The following MMP2 variants were observed in gnomAD, a reference collection of about 807,000 sequenced individuals.
MMP2 encodes the protein 72 kDa type IV collagenase.
In MMP2, 39 loss-of-function variants were observed where a neutral mutation model predicts 74.8. That is an observed-to-expected ratio of 0.52 (90% confidence interval 0.40 to 0.68). The LOEUF is 0.68. MMP2 is among the 30% of genes least tolerant of loss of function. MMP2 has a pLI of 0.00. For synonymous variants in MMP2, 367 were observed against 339.8 expected, an observed-to-expected ratio of 1.08 and a Z score of -0.88; for missense variants, 803 against 878.3, an observed-to-expected ratio of 0.91 and a Z score of 1.08.
chr16:55,497,322 CT>C (rs1962555481), intron 10 of MMP2, among the ~76,000 whole-genome samples: 3 of 113,408 alleles, frequency 2.6e-5, no homozygotes, highest in African/African-American at 1.1e-4. Flanking sequence ...TTCAATCCGT[CT>C]CATTTCTTTT....
At chr16:55,505,315 C>T (rs761383772) in intron 12 of MMP2, 24 bp from the exon 13 acceptor site, 101 of 1,590,474 alleles carry the variant, frequency 6.4e-5, no homozygotes, top group South Asian at 1.9e-4. Context: ...AAGGGGGTCA[C>T]GGTCTCTTCT....
rs186477777 is a variant in MMP2 at position 55,484,192 on chromosome 16, G to T, written c.529+28G>T. 240 of 1,611,316 alleles carry T rather than the reference G, an allele frequency of 1.5e-4. 2 individuals are homozygous for T. In the East Asian group the frequency reaches 4.1e-3, roughly 27 times the overall value. ...AGGCAGAAGATGGGGCAGAAGAGGG[G>T]CCAGCAGGGATCAGTGTTGAGACGA... is the stretch of plus-strand genomic sequence containing the variant. On this transcript the variant is annotated intron_variant, in intron 3 of 12. Transcript: ENST00000219070.
In MMP2 at chr16:55,489,637, C is replaced by T; in HGVS notation, c.1007-14C>T. Reference sequence around the variant, plus strand: ...CTCTTTGCTGCGCCTTGACCCGTATCCCTAACCCCACAGCCATGTCCACTG... The same window carrying T: ...CTCTTTGCTGCGCCTTGACCCGTATTCCTAACCCCACAGCCATGTCCACTG... On this transcript the variant is annotated splice_polypyrimidine_tract_variant and intron_variant, in intron 6 of 12. Coordinates refer to ENST00000219070, the MANE Select transcript of MMP2 (RefSeq NM_004530.6). The T allele has an allele frequency of 6.2e-7, 1 of 1,613,902 alleles. No homozygotes were observed. The highest frequency in any genetic ancestry group is 8.5e-7 in the Non-Finnish European group (1 of 1,180,008).
At chr16:55,489,035 C>T (rs1962334139) in intron 6 of MMP2, among the ~76,000 whole-genome samples, 1 of 152,202 alleles carries the variant, frequency 6.6e-6, no homozygotes, top group African/African-American at 2.4e-5. Context: ...CTTCTCTCTC[C>T]TCCTCTCTGA....
rs538780594 is a variant in MMP2 at position 55,484,009 on chromosome 16, C to T, written c.381-7C>T. ...TACACACTCACATGCAGTTCTACCA[C>T]CTCCAGGATCATTGGCTACACACCT... On this transcript the variant is annotated splice_region_variant and splice_polypyrimidine_tract_variant and intron_variant, in intron 2 of 12. Transcript: ENST00000219070. 1 of 1,614,096 alleles carries T rather than the reference C, an allele frequency of 6.2e-7. No individual in the cohort carries two copies. Among genetic ancestry groups the T allele is most frequent in the Admixed American group, 1.7e-5 (1 of 60,028 alleles).
chr16:55,482,872 T>G, intron 1 of MMP2, 37 bp from the exon 2 acceptor site: 1 of 1,565,640 alleles, frequency 6.4e-7, no homozygotes, highest in Non-Finnish European at 8.8e-7. Flanking sequence ...GCCATCCTAA[T>G]GTGGCTAATT....
rs752012993 is a variant in MMP2, at chr16:55,498,466, G to T, written c.1769+18G>T. ...TTCTGGAGGTAAGGGAGGGCGGTGG[G>T]TAGGACAGCAGCACAGTTGGCTGCG... On this transcript the variant is annotated intron_variant, in intron 11 of 12. Transcript: ENST00000219070. 2.5e-6 allele frequency: 4 copies of T among 1,614,040 alleles called. No homozygotes were observed. Among genetic ancestry groups the T allele is most frequent in the Non-Finnish European group, 3.4e-6 (4 of 1,179,968 alleles).
rs17859870 is a variant in MMP2 at position 55,483,829 on chromosome 16, C to T, written c.381-187C>T. On this transcript the variant is annotated intron_variant, in intron 2 of 12. Transcript: ENST00000219070. ...CCTGCCCAGCCTACACACACATACA[C>T]GCAGGCACATGCTCACATATACATA... 3.7e-4 allele frequency among the ~76,000 whole-genome samples: 56 copies of T among 152,300 alleles called. 2 individuals carry two copies. The East Asian group carries it at 0.01, about 28-fold the overall frequency.
chr16:55,501,567 G>A (rs1276136633), intron 11 of MMP2, among the ~76,000 whole-genome samples: 1 of 152,194 alleles, frequency 6.6e-6, no homozygotes, highest in African/African-American at 2.4e-5. Flanking sequence ...GTGACCCAGG[G>A]CATGAGGAAG....
intron 10 of MMP2, among the ~76,000 whole-genome samples, chr16:55,498,035 T>C (rs1486634378): frequency 6.6e-6 from 1 of 152,086 alleles, no homozygotes; most frequent in Non-Finnish European, 1.5e-5. Context: ...GCCCTTAGAG[T>C]GCACGACTTG....
chr16:55,484,522 T>G (rs1457265214), intron 3 of MMP2, among the ~76,000 whole-genome samples: 1 of 152,252 alleles, frequency 6.6e-6, no homozygotes, highest in Non-Finnish European at 1.5e-5. Context: ...GGGCACATTT[T>G]AAGTGCTCAA....
At position 55,491,824 on chromosome 16, in the gene MMP2, G is replaced by T. The variant is rs1440074816; in HGVS notation, c.1204G>T (p.Ala402Ser). 1.9e-6 allele frequency: 3 copies of T among 1,614,080 alleles called. No homozygotes were observed. The highest frequency in any genetic ancestry group is 4.5e-5 in the East Asian group (2 of 44,876). The part of the protein sequence containing the change: ...DQGYSLFLVA[A>S]HEFGHAMGLE... ...AGGGTACAGCCTGTTCCTCGTGGCA[G>T]CCCACGAGTTTGGCCACGCCATGGG... Residue 402 changes from alanine to serine, a missense_variant, in exon 8 of 13, where the codon GCC (alanine) becomes TCC (serine). Physicochemically the swap from Ala to Ser is moderately conservative, Grantham distance 99. Transcript: ENST00000219070.
rs1053605 is a variant in MMP2, at chr16:55,485,695, C to T, written c.750C>T (p.Thr250=). ...NGKEYNSCTD[T]GRSDGFLWCS... Reference sequence around the variant, plus strand: ...AGGAGTACAACAGCTGCACTGATACCGGCCGCAGCGATGGCTTCCTCTGGT... The same window carrying T: ...AGGAGTACAACAGCTGCACTGATACTGGCCGCAGCGATGGCTTCCTCTGGT... Residue 250 remains threonine (T), a synonymous_variant, in exon 5 of 13, where the codon ACC becomes ACT. Coordinates refer to ENST00000219070, the MANE Select transcript of MMP2 (RefSeq NM_004530.6). The T allele has an allele frequency of 0.072, 116,472 of 1,614,064 alleles. 4,711 individuals carry two copies. Among genetic ancestry groups the T allele is most frequent in the East Asian group, 0.15 (6,581 of 44,864 alleles).
intron 11 of MMP2, among the ~76,000 whole-genome samples, chr16:55,499,709 A>G (rs888722007): frequency 6.6e-6 from 1 of 152,220 alleles, no homozygotes; most frequent in Non-Finnish European, 1.5e-5. Flanking sequence ...TGTTCAAGCT[A>G]TAGAGATATG....
rs201437071 is a variant in MMP2 at position 55,493,189 on chromosome 16, C to T, written c.1368C>T (p.Gly456=). 311 of 1,614,042 alleles carry T rather than the reference C, an allele frequency of 1.9e-4. 2 individuals are homozygous for T. The highest frequency in any genetic ancestry group is 2.5e-4 in the Non-Finnish European group (291 of 1,180,002). The part of the protein sequence containing the change: ...GASPDIDLGT[G]PTPTLGPVTP... ...CTCCTGACATTGACCTTGGCACCGGCCCCACCCCCACGCTGGGCCCTGTCA... is the reference window on the plus strand; with the variant it reads ...CTCCTGACATTGACCTTGGCACCGGTCCCACCCCCACGCTGGGCCCTGTCA... The change falls in exon 9 of 13, where the codon GGC becomes GGT. Residue 456 remains glycine (G), a synonymous_variant. Coordinates refer to ENST00000219070, the MANE Select transcript of MMP2 (RefSeq NM_004530.6).
At chr16:55,492,023 A>G in intron 8 of MMP2, 67 bp downstream of exon 8, 2 of 1,483,322 alleles carry the variant, frequency 1.3e-6, no homozygotes, top group South Asian at 1.2e-5. Context: ...CCTGGGATGG[A>G]GGCCCAGGGG....
chr16:55,500,966 G>T (rs1962654851), intron 11 of MMP2, among the ~76,000 whole-genome samples: 1 of 152,232 alleles, frequency 6.6e-6, no homozygotes, highest in Non-Finnish European at 1.5e-5. Context: ...CAGGCACTTA[G>T]CTAGCTGCTG....
chr16:55,499,472 GCC>G (rs1277590890), intron 11 of MMP2, among the ~76,000 whole-genome samples: 1 of 152,090 alleles, frequency 6.6e-6, no homozygotes, highest in Non-Finnish European at 1.5e-5. Flanking sequence ...CTCACAGCAG[GCC>G]CGTGGCTGTG....
intron 12 of MMP2, among the ~76,000 whole-genome samples, chr16:55,503,574 T>C (rs1376290811): frequency 1.3e-5 from 2 of 151,984 alleles, no homozygotes; most frequent in Non-Finnish European, 2.9e-5. Flanking sequence ...AGGTCTTACA[T>C]GTCCAAGAAA....
Sources: allele counts gnomAD v4.1 joint callset (sites outside exome capture counted in the v4.1 genomes callset), GRCh38; gene constraint gnomAD v4.1.1; transcripts MANE v1.5; gene names NCBI Gene and HGNC (gene_info 2026-07-23, HGNC 2026-07-21).